Variants in SDS observed in about 807,000 individuals in gnomAD.
SDS encodes L-serine dehydratase/L-threonine deaminase.
In SDS, 19 loss-of-function variants were observed where a neutral mutation model predicts 29.3. The ratio of observed to expected loss-of-function variants is 0.65; its 90% CI spans 0.45 to 0.95. The LOEUF (loss-of-function observed/expected upper bound fraction) is 0.95. Ranked by LOEUF, SDS falls within the 40% of genes least tolerant of loss-of-function variation. SDS has a pLI of 0.00. For synonymous variants in SDS, 176 were observed against 189.0 expected (o/e 0.93, Z 0.56); for missense variants, 375 against 439.9 (o/e 0.85, Z 1.32).
At chr12:113,397,475 G>A in intron 5 of SDS, 83 bp from the exon 6 acceptor site, 1 of 1,141,140 alleles carries the variant, frequency 8.8e-7, no homozygotes, top group Middle Eastern at 2.6e-4. Flanking sequence ...CCTTATCCCA[G>A]CTGATGGGGC....
chr12:113,403,375 T>C (rs527994791), intron 1 of SDS, among the ~76,000 whole-genome samples: 41 of 152,112 alleles, frequency 2.7e-4, no homozygotes, highest in African/African-American at 9.4e-4. Flanking sequence ...AATACAAAAA[T>C]TAGCCGGGCG....
rs939053722 is a variant in SDS, at chr12:113,397,536, T to G, written c.426-144A>C. ...CAACCTTGGCTTCTAGCTGCCAGCA[T>G]CTGTGTCTCTGCCTGAGGACCTTCT... On this transcript the variant is annotated intron_variant, in intron 5 of 7. Transcript: ENST00000257549. 1.5e-5 allele frequency: 10 copies of G among 676,032 alleles called. No individual in the cohort carries two copies. In the African/African-American group the frequency reaches 1.8e-4, roughly 12 times the overall value. 41.9% of individuals were successfully genotyped at this position (676,032 alleles called of 1,614,324 possible).
At chr12:113,393,481 T>A (rs1410349363) in intron 7 of SDS, among the ~76,000 whole-genome samples, 1 of 152,220 alleles carries the variant, frequency 6.6e-6, no homozygotes, top group East Asian at 1.9e-4. Flanking sequence ...TAAATGGTAC[T>A]ATTTTTTTCT....
Position 113,397,333 on chromosome 12 carries a change from G to GC in SDS, c.484dup (p.Ala162GlyfsTer83), listed in dbSNP as rs1422806065. On this transcript the variant is annotated frameshift_variant, in exon 6 of 8. Coordinates refer to ENST00000257549, the MANE Select transcript of SDS (RefSeq NM_006843.3). LOFTEE classifies it high-confidence loss of function. ...CCCGCCGCCCACTGACAGCGCGATG[G>GC]CCCCCGGCTTTTCCCACAGTGTCTC... 6.2e-7 allele frequency: 1 copy of GC among 1,613,776 alleles called. No individual in the cohort carries two copies. Among genetic ancestry groups the GC allele is most frequent in the Admixed American group, 1.7e-5 (1 of 60,024 alleles).
chr12:113,399,419 T>C, intron 2 of SDS, 137 bp downstream of exon 2: 1 of 1,098,554 alleles, frequency 9.1e-7, no homozygotes, highest in African/African-American at 1.6e-5. Context: ...GAAGCCCTAA[T>C]GGTGGACGCT....
chr12:113,393,880 C>A lies in SDS; in HGVS notation c.778+12G>T. 1 of 1,614,160 alleles carries A rather than the reference C, an allele frequency of 6.2e-7. No individual in the cohort carries two copies. The highest frequency in any genetic ancestry group is 1.1e-5 in the South Asian group (1 of 91,078). ...GTCAGCAGGTCAGGTCATGGGAGGA[C>A]CTGGCACATACCCACGAACTTCTCA... On this transcript the variant is annotated intron_variant, in intron 7 of 7. Transcript: ENST00000257549.
In SDS at chr12:113,397,393, C is replaced by A. The variant is rs898301020; in HGVS notation, c.426-1G>T. 1.2e-6 allele frequency: 2 copies of A among 1,601,540 alleles called. No individual in the cohort carries two copies. The highest frequency in any genetic ancestry group is 2.7e-5 in the African/African-American group (2 of 74,876). On this transcript the variant is annotated splice_acceptor_variant, in intron 5 of 7. Coordinates refer to ENST00000257549, the MANE Select transcript of SDS (RefSeq NM_006843.3). LOFTEE classifies it high-confidence loss of function. Reference sequence around the variant, plus strand: ...TTTCACGATGGAAGCGTGGCCTTCCCTGGAGGGTGGGGAGAGGGGGTGGCA... The same window carrying A: ...TTTCACGATGGAAGCGTGGCCTTCCATGGAGGGTGGGGAGAGGGGGTGGCA...
At chr12:113,397,010 G>C (rs1202611542) in intron 6 of SDS, 155 bp downstream of exon 6, 6 of 676,232 alleles carry the variant, frequency 8.9e-6, no homozygotes, top group African/African-American at 3.6e-5. Flanking sequence ...AGTCCAAGCT[G>C]TACCACTCAC....
At position 113,393,892 on chromosome 12, in the gene SDS, C is replaced by T. The variant is rs148451668; in HGVS notation, c.778G>A (p.Asp260Asn). The T allele has an allele frequency of 6.2e-7, 1 of 1,614,158 alleles. No individual in the cohort carries two copies. The highest frequency in any genetic ancestry group is 8.5e-7 in the Non-Finnish European group (1 of 1,180,032). ...GGTCATGGGAGGACCTGGCACATAC[C>T]CACGAACTTCTCAATGGCGGCCACA... ...EAVAAIEKFV[D>N]DEKILVEPAC... The change falls in exon 7 of 8, where the codon GAT (aspartate) becomes AAT (asparagine). Residue 260 changes from aspartate to asparagine, a missense_variant and splice_region_variant. By Grantham distance (23) the Asp-to-Asn change is conservative. Coordinates refer to ENST00000257549, the MANE Select transcript of SDS (RefSeq NM_006843.3).
At chr12:113,399,379 C>G (rs1957669951) in intron 2 of SDS, 177 bp downstream of exon 2, 1 of 896,754 alleles carries the variant, frequency 1.1e-6, no homozygotes, top group East Asian at 2.6e-5. Context: ...TCCCAAGGAA[C>G]CCTCCTGGAA....
intron 1 of SDS, among the ~76,000 whole-genome samples, chr12:113,400,102 G>A (rs1957674870): frequency 6.6e-6 from 1 of 152,186 alleles, no homozygotes; most frequent in Non-Finnish European, 1.5e-5. Flanking sequence ...GACCAGCCTG[G>A]CCAACATGGT....
At chr12:113,400,275 G>A (rs1048895350) in intron 1 of SDS, among the ~76,000 whole-genome samples, 3 of 150,922 alleles carry the variant, frequency 2.0e-5, no homozygotes, top group Non-Finnish European at 2.9e-5. Flanking sequence ...CTGGGTGACA[G>A]AGCAAGACTC....
chr12:113,401,915 C>T (rs866342878), intron 1 of SDS, among the ~76,000 whole-genome samples: 1 of 152,194 alleles, frequency 6.6e-6, no homozygotes, highest in South Asian at 2.1e-4. Context: ...CCTCCACCAT[C>T]CCAGAAGGCC....
chr12:113,399,611 CT>C lies in SDS; in HGVS notation c.97del (p.Ser33ValfsTer91). On this transcript the variant is annotated frameshift_variant, in exon 2 of 8. Coordinates refer to ENST00000257549, the MANE Select transcript of SDS (RefSeq NM_006843.3). LOFTEE classifies it high-confidence loss of function. Reference sequence around the variant, plus strand: ...CTTGAAGGAGCCGGAGGGCTGGGCACTGTCCATCTTGAGGTAGACGCTGGTG... The same window carrying C: ...CTTGAAGGAGCCGGAGGGCTGGGCACGTCCATCTTGAGGTAGACGCTGGTG... ...AGTSVYLKMD[S>X]AQPSGSFKIR... is the part of the protein sequence containing the mutation. 1 of 1,603,566 alleles carries C rather than the reference CT, an allele frequency of 6.2e-7. No individual in the cohort carries two copies. The highest frequency in any genetic ancestry group is 8.5e-7 in the Non-Finnish European group (1 of 1,176,562).
intron 7 of SDS, 54 bp from the exon 8 acceptor site, chr12:113,393,203 G>T: frequency 3.9e-6 from 6 of 1,531,864 alleles, no homozygotes; most frequent in Non-Finnish European, 4.5e-6. Flanking sequence ...AGGGTGCACA[G>T]GAGCTGACAG....
intron 6 of SDS, 140 bp from the exon 7 acceptor site, chr12:113,394,156 A>C (rs1365265329): frequency 1.2e-5 from 9 of 765,704 alleles, no homozygotes; most frequent in Non-Finnish European, 1.9e-5. Context: ...TCACCTCTGC[A>C]GCTGTAAAAC....
At chr12:113,403,042 G>A (rs1313712139) in intron 1 of SDS, among the ~76,000 whole-genome samples, 1 of 152,196 alleles carries the variant, frequency 6.6e-6, no homozygotes, top group African/African-American at 2.4e-5. Flanking sequence ...CACCTGAGGA[G>A]GAAGGCGCTA....
At chr12:113,396,376 CTCTTTTTCTTTCTT>C (rs1325935551) in intron 6 of SDS, among the ~76,000 whole-genome samples, 2 of 142,186 alleles carry the variant, frequency 1.4e-5, no homozygotes, top group Admixed American at 1.5e-4. Flanking sequence ...TTCTCTTTCT[CTCTTTTTCTTTCTT>C]TCTTCCTTTC....
At chr12:113,397,080 A>G (rs1957651304) in intron 6 of SDS, 85 bp downstream of exon 6, 1 of 1,168,878 alleles carries the variant, frequency 8.6e-7, no homozygotes, top group East Asian at 2.5e-5. Context: ...AAACAGGCTG[A>G]CATCAGGATC....
Sources: allele counts gnomAD v4.1 joint callset (sites outside exome capture counted in the v4.1 genomes callset), GRCh38; gene constraint gnomAD v4.1.1; transcripts MANE v1.5; gene names NCBI Gene and HGNC (gene_info 2026-07-23, HGNC 2026-07-21).